The following PLCE1 variants were observed in gnomAD, a reference collection of about 807,000 sequenced individuals.
The protein encoded by PLCE1 is 1-phosphatidylinositol 4,5-bisphosphate phosphodiesterase epsilon-1.
PLCE1 carries 119 observed loss-of-function variants against 242.8 expected under a neutral mutation model. The ratio of observed to expected loss-of-function variants is 0.49; its 90% CI spans 0.42 to 0.57. PLCE1 has a LOEUF of 0.57. Among genes scored for constraint, PLCE1 ranks in the 20% least tolerant of loss-of-function variants. The pLI is 0.00. For synonymous variants in PLCE1, 945 were observed against 1,017.4 expected (o/e 0.93, Z 1.35); for missense variants, 2,441 against 2,788.8 (o/e 0.88, Z 2.81).
chr10:94,185,532 T>A (rs980205564), intron 4 of PLCE1, among the ~76,000 whole-genome samples: 1 of 152,022 alleles, frequency 6.6e-6, no homozygotes, highest in Non-Finnish European at 1.5e-5. Context: ...GAACATGGGG[T>A]TCTGCCACTT....
intron 1 of PLCE1, among the ~76,000 whole-genome samples, chr10:94,009,878 C>T (rs1035653690): frequency 8.5e-5 from 13 of 152,270 alleles, no homozygotes; most frequent in Admixed American, 8.5e-4. Flanking sequence ...TGTATCTTTT[C>T]CAGGCTTGAA....
At chr10:94,202,106 G>A (rs933818508) in intron 4 of PLCE1, among the ~76,000 whole-genome samples, 4 of 152,078 alleles carry the variant, frequency 2.6e-5, no homozygotes, top group African/African-American at 9.7e-5. Context: ...ACAAATAAGA[G>A]CAAGGGTACA....
chr10:94,027,268 A>G (rs982150348), intron 1 of PLCE1, among the ~76,000 whole-genome samples: 3 of 152,168 alleles, frequency 2.0e-5, no homozygotes, highest in African/African-American at 7.2e-5. Context: ...TTATAGCTCT[A>G]TTTACACTGT....
chr10:94,241,447 C>T (rs1160732673), intron 7 of PLCE1, among the ~76,000 whole-genome samples: 2 of 152,040 alleles, frequency 1.3e-5, no homozygotes, highest in Non-Finnish European at 2.9e-5. Context: ...ATCCTTTTTG[C>T]TCTTAAAACA....
At chr10:94,047,251 T>A (rs1328083756) in intron 2 of PLCE1, among the ~76,000 whole-genome samples, 1 of 152,174 alleles carries the variant, frequency 6.6e-6, no homozygotes, top group South Asian at 2.1e-4. Flanking sequence ...AAGTGCTATA[T>A]GAGTGGCAGG....
chr10:94,321,657 A>G (rs2053808050), intron 29 of PLCE1, among the ~76,000 whole-genome samples: 1 of 151,908 alleles, frequency 6.6e-6, no homozygotes, highest in Non-Finnish European at 1.5e-5. Context: ...CCCACAGCTA[A>G]TAGGAGCAGA....
chr10:94,177,034 G>C (rs969223577), intron 4 of PLCE1, among the ~76,000 whole-genome samples: 2 of 152,168 alleles, frequency 1.3e-5, no homozygotes, highest in Non-Finnish European at 2.9e-5. Context: ...GAGGCAGCTT[G>C]TTCCAGATTG....
At chr10:94,035,762 G>C (rs756773584) in intron 2 of PLCE1, among the ~76,000 whole-genome samples, 2 of 152,080 alleles carry the variant, frequency 1.3e-5, no homozygotes, top group Non-Finnish European at 2.9e-5. Context: ...TTTTAGTTTA[G>C]AATCTGGTAG....
At chr10:94,151,569 C>T (rs1394296728) in intron 3 of PLCE1, among the ~76,000 whole-genome samples, 3 of 152,244 alleles carry the variant, frequency 2.0e-5, no homozygotes, top group East Asian at 1.9e-4. Flanking sequence ...AGGATTTTAT[C>T]GGGGTGAGAG....
chr10:94,093,404 A>G (rs888219230), intron 2 of PLCE1, among the ~76,000 whole-genome samples: 8 of 152,322 alleles, frequency 5.3e-5, no homozygotes, highest in African/African-American at 1.4e-4. Context: ...TAAGCTTATC[A>G]TAATTCATGT....
At chr10:93,999,931 G>A (rs769816886) in intron 1 of PLCE1, among the ~76,000 whole-genome samples, 1 of 152,174 alleles carries the variant, frequency 6.6e-6, no homozygotes, top group Non-Finnish European at 1.5e-5. Context: ...CTTTGATTAT[G>A]CTGGCTGTTG....
At chr10:94,242,590 T>C (rs530208917) in intron 7 of PLCE1, among the ~76,000 whole-genome samples, 1 of 152,294 alleles carries the variant, frequency 6.6e-6, no homozygotes, top group South Asian at 2.1e-4. Flanking sequence ...GGATTACAGA[T>C]GTGAGCCACT....
At chr10:94,127,635 C>T (rs1254736498) in intron 2 of PLCE1, among the ~76,000 whole-genome samples, 1 of 152,194 alleles carries the variant, frequency 6.6e-6, no homozygotes, top group Admixed American at 6.6e-5. Flanking sequence ...TGCCACAATC[C>T]TCATCATCAC....
At position 94,013,525 on chromosome 10, in the gene PLCE1, A is replaced by G. The variant is rs144686287; in HGVS notation, c.-364-17158A>G. On this transcript the variant is annotated intron_variant, in intron 1 of 32. Coordinates refer to ENST00000371380, the MANE Select transcript of PLCE1 (RefSeq NM_016341.4). ...GAAAGAACTGATTATACAAAAGGAA[A>G]CAAATGAGGCTGATTCATTTATTTA... Among the ~76,000 whole-genome samples the G allele has an allele frequency of 1.1e-3, 163 of 152,352 alleles. 1 individual carries two copies. In the East Asian group the frequency reaches 0.025, roughly 24 times the overall value.
rs2052625524 is a variant in PLCE1, at chr10:94,290,969, C to T, written c.5036-2539C>T. 2.6e-5 allele frequency among the ~76,000 whole-genome samples: 4 copies of T among 152,104 alleles called. 1 individual carries two copies. Among genetic ancestry groups the T allele is most frequent in the African/African-American group, 7.2e-5 (3 of 41,408 alleles). On this transcript the variant is annotated intron_variant, in intron 22 of 32. Coordinates refer to ENST00000371380, the MANE Select transcript of PLCE1 (RefSeq NM_016341.4). ...GAAGGTGATAGGAATTTCTCAGCTCCAGTACAATCTTAAATGGGACCACCA... is the reference window on the plus strand; with the variant it reads ...GAAGGTGATAGGAATTTCTCAGCTCTAGTACAATCTTAAATGGGACCACCA...
chr10:94,158,055 G>A (rs1314690677), intron 3 of PLCE1, among the ~76,000 whole-genome samples: 2 of 152,094 alleles, frequency 1.3e-5, no homozygotes, highest in Non-Finnish European at 2.9e-5. Flanking sequence ...GTACTGAGAT[G>A]TTATATTATT....
At chr10:94,216,585 G>A (rs1159050938) in intron 4 of PLCE1, among the ~76,000 whole-genome samples, 1 of 152,182 alleles carries the variant, frequency 6.6e-6, no homozygotes, top group Non-Finnish European at 1.5e-5. Flanking sequence ...TCTGGCCTCT[G>A]CCTGGGATAC....
chr10:94,138,376 A>G (rs968885353), intron 3 of PLCE1: 3 of 398,872 alleles, frequency 7.5e-6, no homozygotes, highest in Admixed American at 5.7e-5. Context: ...AGTACTTCCC[A>G]GGAACTGGGG....
At chr10:94,279,246 T>C (rs937212792) in intron 19 of PLCE1, 6 of 170,026 alleles carry the variant, frequency 3.5e-5, no homozygotes, top group African/African-American at 1.4e-4. Flanking sequence ...TTTCTAGGCC[T>C]GTTTTGTTAA....
Sources: allele counts gnomAD v4.1 joint callset (sites outside exome capture counted in the v4.1 genomes callset), GRCh38; gene constraint gnomAD v4.1.1; transcripts MANE v1.5; gene names NCBI Gene and HGNC (gene_info 2026-07-23, HGNC 2026-07-21).